ADAMTSL1: variants seen among roughly 807,000 people sequenced by gnomAD.
The protein encoded by ADAMTSL1 is ADAMTS like 1.
Under a neutral mutation model 201.8 loss-of-function variants are expected in ADAMTSL1, and 126 were observed. The ratio of observed to expected loss-of-function variants is 0.62; its 90% CI spans 0.54 to 0.72. ADAMTSL1 has a LOEUF of 0.72. Ranked by LOEUF, ADAMTSL1 falls within the 30% of genes least tolerant of loss-of-function variation. The pLI is 0.00. For synonymous variants in ADAMTSL1, 1,121 were observed against 903.4 expected (o/e 1.24, Z -4.32); for missense variants, 2,679 against 2,277.8 (o/e 1.18, Z -3.59).
intron 2 of ADAMTSL1, among the ~76,000 whole-genome samples, chr9:18,258,652 C>T (rs766893737): frequency 6.6e-5 from 10 of 152,158 alleles, no homozygotes; most frequent in African/African-American, 1.4e-4. Flanking sequence ...CCAGGATCCC[C>T]GCCCGCATCA....
intron 16 of ADAMTSL1, among the ~76,000 whole-genome samples, chr9:18,763,929 A>ATTTTG (rs377322898): frequency 3.8e-4 from 57 of 151,956 alleles, no homozygotes; most frequent in African/African-American, 1.1e-3. Flanking sequence ...GATTCCTCCA[A>ATTTTG]TTTTGTTTTG....
intron 23 of ADAMTSL1, among the ~76,000 whole-genome samples, chr9:18,845,816 G>A (rs1276343652): frequency 6.6e-6 from 1 of 152,166 alleles, no homozygotes; most frequent in Non-Finnish European, 1.5e-5. Context: ...ATATCACGCT[G>A]GTATGAAAAC....
At chr9:18,182,354 A>G (rs1363657787) in intron 2 of ADAMTSL1, among the ~76,000 whole-genome samples, 1 of 152,200 alleles carries the variant, frequency 6.6e-6, no homozygotes. Flanking sequence ...ACTTAATTGT[A>G]TACCCTTTGA....
At position 17,951,962 on chromosome 9, in the gene ADAMTSL1, G is replaced by T. The variant is rs116093185; in HGVS notation, c.87+45040G>T. Among the ~76,000 whole-genome samples the T allele has an allele frequency of 6.3e-3, 963 of 151,816 alleles. 10 individuals are homozygous for T. The highest frequency in any genetic ancestry group is 0.022 in the African/African-American group (911 of 41,402). ...ACCACAGGCATGCACCATCTTGCCC[G>T]GCTAATTTTTTGATTTTTTGTAGAG... On this transcript the variant is annotated intron_variant, in intron 1 of 29. Coordinates refer to the ADAMTSL1 transcript ENST00000680146.
intron 2 of ADAMTSL1, among the ~76,000 whole-genome samples, chr9:18,413,361 C>G (rs1011258046): frequency 1.3e-5 from 2 of 152,022 alleles, no homozygotes; most frequent in Non-Finnish European, 2.9e-5. Flanking sequence ...GATGGGGTTT[C>G]ACCATGTTGG....
intron 23 of ADAMTSL1, among the ~76,000 whole-genome samples, chr9:18,865,377 T>C (rs1321583014): frequency 1.3e-5 from 2 of 152,086 alleles, no homozygotes; most frequent in East Asian, 3.8e-4. Flanking sequence ...AACTCATCAT[T>C]TTTTATGGCT....
At chr9:17,997,019 T>C (rs536605266) in intron 1 of ADAMTSL1, among the ~76,000 whole-genome samples, 39 of 152,258 alleles carry the variant, frequency 2.6e-4, no homozygotes, top group African/African-American at 9.4e-4. Flanking sequence ...AGCTTTCACT[T>C]GAGTGGGCAT....
At chr9:18,613,990 CAA>C (rs1825549537) in intron 4 of ADAMTSL1, among the ~76,000 whole-genome samples, 1 of 152,134 alleles carries the variant, frequency 6.6e-6, no homozygotes, top group Non-Finnish European at 1.5e-5. Flanking sequence ...ACGAAGACTT[CAA>C]AGAGTCAGAC....
At chr9:18,146,939 G>T (rs1826670234) in intron 1 of ADAMTSL1, among the ~76,000 whole-genome samples, 1 of 152,058 alleles carries the variant, frequency 6.6e-6, no homozygotes, top group Admixed American at 6.6e-5. Context: ...TTTCTAAGTG[G>T]CTAACACCTT....
At chr9:18,308,446 GACT>G (rs964457766) in intron 2 of ADAMTSL1, among the ~76,000 whole-genome samples, 30 of 152,002 alleles carry the variant, frequency 2.0e-4, no homozygotes, top group African/African-American at 6.8e-4. Flanking sequence ...CCACTGGCCA[GACT>G]ACTAAAGGAG....
At chr9:18,659,026 G>A (rs1178603048) in intron 8 of ADAMTSL1, among the ~76,000 whole-genome samples, 1 of 152,134 alleles carries the variant, frequency 6.6e-6, no homozygotes, top group Non-Finnish European at 1.5e-5. Context: ...AGTGTTTGTG[G>A]ATTATTGTTT....
intron 1 of ADAMTSL1, among the ~76,000 whole-genome samples, chr9:17,991,449 C>T (rs1819145725): frequency 6.6e-6 from 1 of 152,102 alleles, no homozygotes; most frequent in South Asian, 2.1e-4. Context: ...GAGAAACCTC[C>T]TGAGAAACTC....
chr9:18,494,393 G>C (rs570695887), intron 1 of ADAMTSL1, among the ~76,000 whole-genome samples: 2 of 151,310 alleles, frequency 1.3e-5, no homozygotes, highest in South Asian at 2.1e-4. Context: ...ATTCTACCTA[G>C]AGATAAGAGA....
At chr9:18,632,273 C>T (rs1381692494) in intron 5 of ADAMTSL1, among the ~76,000 whole-genome samples, 1 of 152,212 alleles carries the variant, frequency 6.6e-6, no homozygotes, top group Non-Finnish European at 1.5e-5. Context: ...AATACATAAA[C>T]AACTCAAAAG....
At chr9:18,112,302 G>A (rs989340170) in intron 1 of ADAMTSL1, among the ~76,000 whole-genome samples, 1 of 152,064 alleles carries the variant, frequency 6.6e-6, no homozygotes, top group African/African-American at 2.4e-5. Context: ...CCATCTGAAA[G>A]TGCAGTGGAG....
At chr9:18,636,509 AT>A (rs1285653061) in intron 6 of ADAMTSL1, among the ~76,000 whole-genome samples, 4 of 152,172 alleles carry the variant, frequency 2.6e-5, no homozygotes, top group African/African-American at 4.8e-5. Context: ...TCATGGTGTA[AT>A]TAAGCATCCC....
At chr9:17,907,016 C>T (rs1394224589) in intron 1 of ADAMTSL1, 1 of 152,638 alleles carries the variant, frequency 6.6e-6, no homozygotes, top group Non-Finnish European at 1.5e-5. Flanking sequence ...GAGGTGCTCT[C>T]TTCCGCGAAG....
intron 2 of ADAMTSL1, among the ~76,000 whole-genome samples, chr9:18,327,976 A>G (rs1490820076): frequency 6.6e-6 from 1 of 152,172 alleles, no homozygotes; most frequent in African/African-American, 2.4e-5. Flanking sequence ...TTTTAAAGTA[A>G]CATATACTCT....
chr9:18,285,378 A>G (rs1289754971), intron 2 of ADAMTSL1, among the ~76,000 whole-genome samples: 1 of 152,134 alleles, frequency 6.6e-6, no homozygotes, highest in Admixed American at 6.5e-5. Flanking sequence ...GTGAGGGTCA[A>G]TATGAGAGAT....
Sources: gnomAD v4.1 joint callset for allele counts (sites outside exome capture counted in the v4.1 genomes callset) on GRCh38, gnomAD v4.1.1 for gene constraint, MANE v1.5 for transcripts, NCBI Gene and HGNC (gene_info 2026-07-23, HGNC 2026-07-21) for gene names.